RBFOX1: variants seen among roughly 807,000 people sequenced by gnomAD.
RBFOX1 encodes RNA binding protein fox-1 homolog 1.
In RBFOX1, 8 loss-of-function variants were observed where a neutral mutation model predicts 57.7. The ratio of observed to expected loss-of-function variants is 0.14; its 90% CI spans 0.08 to 0.25. The LOEUF is 0.25. Ranked by LOEUF, RBFOX1 falls within the 10% of genes least tolerant of loss-of-function variation. The pLI is 1.00. For synonymous variants in RBFOX1, 326 were observed against 222.4 expected (o/e 1.47, Z -4.15); for missense variants, 611 against 548.5 (o/e 1.11, Z -1.14).
At chr16:6,193,096 C>G (rs990585182) in intron 1 of RBFOX1, among the ~76,000 whole-genome samples, 5 of 151,974 alleles carry the variant, frequency 3.3e-5, no homozygotes, top group South Asian at 2.1e-4. Context: ...TCATCTCTAA[C>G]TCTGTAATAC....
At chr16:6,777,630 G>A (rs1043675422) in intron 3 of RBFOX1, among the ~76,000 whole-genome samples, 1 of 152,130 alleles carries the variant, frequency 6.6e-6, no homozygotes, top group Non-Finnish European at 1.5e-5. Flanking sequence ...ACGTTATTCA[G>A]TGTTTTAAAA....
At chr16:7,369,567 A>G (rs915464588) in intron 4 of RBFOX1, among the ~76,000 whole-genome samples, 4 of 152,178 alleles carry the variant, frequency 2.6e-5, no homozygotes, top group Non-Finnish European at 5.9e-5. Flanking sequence ...CATAATTAAC[A>G]TATGGTTATA....
At chr16:6,678,332 C>A (rs140797716) in intron 3 of RBFOX1, among the ~76,000 whole-genome samples, 2 of 152,162 alleles carry the variant, frequency 1.3e-5, no homozygotes, top group African/African-American at 4.8e-5. Context: ...ATCATGTTGG[C>A]CAGGCTGGTT....
At chr16:7,075,510 A>C (rs536201680) in intron 4 of RBFOX1, among the ~76,000 whole-genome samples, 6 of 152,234 alleles carry the variant, frequency 3.9e-5, no homozygotes, top group African/African-American at 1.4e-4. Flanking sequence ...TCTTTAAAAC[A>C]ATAAGTATTA....
At chr16:6,049,656 A>AT (rs1045901852) in intron 1 of RBFOX1, among the ~76,000 whole-genome samples, 1 of 152,066 alleles carries the variant, frequency 6.6e-6, no homozygotes, top group African/African-American at 2.4e-5. Flanking sequence ...TAATTTTCCA[A>AT]TTTTTTCAAA....
chr16:5,777,789 G>C (rs1274136705), intron 3 of RBFOX1, among the ~76,000 whole-genome samples: 1 of 152,118 alleles, frequency 6.6e-6, no homozygotes, highest in African/African-American at 2.4e-5. Flanking sequence ...TTTGGCACAG[G>C]AGTAATACCC....
chr16:6,456,731 T>G (rs2094783483), intron 2 of RBFOX1, among the ~76,000 whole-genome samples: 1 of 152,164 alleles, frequency 6.6e-6, no homozygotes, highest in Non-Finnish European at 1.5e-5. Flanking sequence ...TGAAGACAAC[T>G]GAATGGATCC....
At chr16:6,483,042 G>C (rs1170371401) in intron 2 of RBFOX1, 3 of 726,862 alleles carry the variant, frequency 4.1e-6, no homozygotes, top group Non-Finnish European at 5.1e-6. Flanking sequence ...GAGGGCGAGC[G>C]GCGAGATACC....
intron 4 of RBFOX1, among the ~76,000 whole-genome samples, chr16:7,247,709 C>G (rs1018264490): frequency 6.6e-6 from 1 of 152,206 alleles, no homozygotes. Flanking sequence ...ATACGGGAAA[C>G]ATAGCCTCTT....
chr16:7,652,390 G>C (rs1438240891), intron 11 of RBFOX1, among the ~76,000 whole-genome samples: 1 of 152,138 alleles, frequency 6.6e-6, no homozygotes, highest in Non-Finnish European at 1.5e-5. Context: ...TTTTACCCAA[G>C]GGAAGATATC....
intron 4 of RBFOX1, among the ~76,000 whole-genome samples, chr16:7,354,659 G>C (rs543733370): frequency 7.2e-5 from 11 of 152,184 alleles, no homozygotes; most frequent in East Asian, 1.9e-4. Context: ...GAAAGAATTA[G>C]GATATTTTAG....
At chr16:7,690,968 G>T (rs990890555) in intron 14 of RBFOX1, among the ~76,000 whole-genome samples, 1 of 152,082 alleles carries the variant, frequency 6.6e-6, no homozygotes, top group African/African-American at 2.4e-5. Flanking sequence ...CCTGTTAATT[G>T]CACTTACCGA....
intron 3 of RBFOX1, among the ~76,000 whole-genome samples, chr16:6,905,160 C>G (rs374117549): frequency 1.3e-5 from 2 of 152,090 alleles, no homozygotes; most frequent in South Asian, 4.1e-4. Context: ...TCAGGGTTTT[C>G]AAATCCTTTA....
chr16:6,390,619 G>A lies in RBFOX1; in HGVS notation c.-64+73562G>A, dbSNP rs183155559. On this transcript the variant is annotated intron_variant, in intron 2 of 15. Transcript: ENST00000550418. ...ATTTAAATTAAATAAAATAAACTAT[G>A]AATTAAAATTAGTTGATGCGACAGT... Among the ~76,000 whole-genome samples the A allele has an allele frequency of 1.4e-3, 213 of 152,214 alleles. 4 individuals carry two copies. The East Asian group carries it at 0.037, about 26-fold the overall frequency.
At chr16:6,931,340 T>TATCTCTATCTAC (rs1555640312) in intron 3 of RBFOX1, among the ~76,000 whole-genome samples, 7 of 106,938 alleles carry the variant, frequency 6.5e-5, no homozygotes, top group East Asian at 2.7e-4. Context: ...TATCTATCTC[T>TATCTCTATCTAC]ACACACACAC....
intron 3 of RBFOX1, among the ~76,000 whole-genome samples, chr16:6,855,679 C>G (rs984363654): frequency 2.7e-5 from 4 of 149,958 alleles, no homozygotes; most frequent in African/African-American, 7.4e-5. Context: ...GATCTTTTAA[C>G]TCTGGAGAGT....
intron 4 of RBFOX1, among the ~76,000 whole-genome samples, chr16:7,327,777 G>C (rs996165866): frequency 2.0e-5 from 3 of 151,390 alleles, no homozygotes; most frequent in Non-Finnish European, 2.9e-5. Flanking sequence ...CATAAATCTA[G>C]ATTTTATATG....
intron 3 of RBFOX1, among the ~76,000 whole-genome samples, chr16:5,867,107 T>C (rs77255553): frequency 0.13 from 19,276 of 152,044 alleles, 1,657 homozygotes; most frequent in Non-Finnish European, 0.18. Context: ...TTAACAGGGC[T>C]GGATAAACAA....
At chr16:6,299,238 C>G (rs183399865) in intron 1 of RBFOX1, among the ~76,000 whole-genome samples, 1 of 152,100 alleles carries the variant, frequency 6.6e-6, no homozygotes, top group Non-Finnish European at 1.5e-5. Context: ...AACAGTGGAC[C>G]CTTTTCCTAT....
Sources: allele counts gnomAD v4.1 joint callset (sites outside exome capture counted in the v4.1 genomes callset), GRCh38; gene constraint gnomAD v4.1.1; transcripts MANE v1.5; gene names NCBI Gene and HGNC (gene_info 2026-07-23, HGNC 2026-07-21).